LDLRAD3: variants seen among roughly 807,000 people sequenced by gnomAD.
The protein encoded by LDLRAD3 is low-density lipoprotein receptor class A domain-containing protein 3.
LDLRAD3 carries 20 observed loss-of-function variants against 29.4 expected under a neutral mutation model. The observed-to-expected ratio is 0.68, with a 90% CI of 0.48 to 0.99. LDLRAD3 has a LOEUF of 0.99. Among genes scored for constraint, LDLRAD3 ranks in the 50% least tolerant of loss-of-function variants. The probability of loss-of-function intolerance (pLI) is 0.00; values close to 1 mark genes in which losing one functional copy is unlikely to be tolerated. For synonymous variants in LDLRAD3, 157 were observed against 192.7 expected (o/e 0.81, Z 1.53); for missense variants, 420 against 454.3 (o/e 0.92, Z 0.69).
chr11:36,005,717 C>T (rs1454504636), intron 1 of LDLRAD3, among the ~76,000 whole-genome samples: 1 of 152,122 alleles, frequency 6.6e-6, no homozygotes, highest in African/African-American at 2.4e-5. Context: ...CTGCCTTAGA[C>T]TGGGTAATTT....
rs971001034 is a variant in LDLRAD3 at position 36,022,570 on chromosome 11, A to C, written c.47-13533A>C. Among the ~76,000 whole-genome samples, 17 of 152,308 alleles carry C rather than the reference A, an allele frequency of 1.1e-4. No homozygotes were observed. In the East Asian group the frequency reaches 3.3e-3, roughly 29 times the overall value. ...TACCCAGGGAGACTGTCAAGTTTGC[A>C]TCTGGTCAATCTCTGTTTTATATAT... is the stretch of plus-strand genomic sequence containing the variant. On this transcript the variant is annotated intron_variant, in intron 1 of 5. Transcript: ENST00000315571.
chr11:36,103,105 C>G (rs1048315779), intron 4 of LDLRAD3, among the ~76,000 whole-genome samples: 1 of 152,086 alleles, frequency 6.6e-6, no homozygotes, highest in Admixed American at 6.5e-5. Context: ...AAATCTGAAA[C>G]TCTATACCCA....
At chr11:36,047,384 G>A (rs1460269390) in intron 2 of LDLRAD3, among the ~76,000 whole-genome samples, 1 of 151,902 alleles carries the variant, frequency 6.6e-6, no homozygotes, top group South Asian at 2.1e-4. Flanking sequence ...TTTAAATTCC[G>A]AGACACACAT....
chr11:36,119,262 C>A (rs898347322), intron 4 of LDLRAD3, among the ~76,000 whole-genome samples: 3 of 152,146 alleles, frequency 2.0e-5, no homozygotes, highest in Non-Finnish European at 4.4e-5. Flanking sequence ...ATGAATAAGG[C>A]TGCCATGCAC....
chr11:36,188,569 A>C lies in LDLRAD3; in HGVS notation c.455-38516A>C, dbSNP rs534169920. Among the ~76,000 whole-genome samples, 224 of 152,202 alleles carry C rather than the reference A, an allele frequency of 1.5e-3. 1 individual carries two copies. The highest frequency in any genetic ancestry group is 1.4e-3 in the Non-Finnish European group (96 of 68,026). On this transcript the variant is annotated intron_variant, in intron 4 of 5. Coordinates refer to ENST00000315571, the MANE Select transcript of LDLRAD3 (RefSeq NM_174902.4). ...TGGAAACAGAAGAGATGGGCTAAAA[A>C]TGGGAAGATTAGTTGAAATTTCGTT...
intron 1 of LDLRAD3, among the ~76,000 whole-genome samples, chr11:35,966,309 C>T (rs984595451): frequency 1.3e-5 from 2 of 152,152 alleles, no homozygotes; most frequent in South Asian, 4.1e-4. Context: ...CCTGTAGTCC[C>T]AGCTCCTCGG....
intron 4 of LDLRAD3, among the ~76,000 whole-genome samples, chr11:36,123,951 G>A (rs565672557): frequency 2.6e-5 from 4 of 152,234 alleles, no homozygotes; most frequent in Admixed American, 1.3e-4. Flanking sequence ...CAGCGCATCC[G>A]AGTGAAGCCG....
chr11:36,163,410 A>T (rs891770373), intron 4 of LDLRAD3: 5 of 152,242 alleles, frequency 3.3e-5, no homozygotes, highest in Admixed American at 2.0e-4. Context: ...CCTGGTTTGA[A>T]TTAGCTTATG....
intron 2 of LDLRAD3, among the ~76,000 whole-genome samples, chr11:36,036,463 C>T (rs1852306311): frequency 6.6e-6 from 1 of 152,168 alleles, no homozygotes; most frequent in African/African-American, 2.4e-5. Flanking sequence ...GGAGCCAACG[C>T]TTTGAGAGAG....
At chr11:36,164,577 A>G (rs1854489176) in intron 4 of LDLRAD3, among the ~76,000 whole-genome samples, 1 of 152,258 alleles carries the variant, frequency 6.6e-6, no homozygotes, top group African/African-American at 2.4e-5. Flanking sequence ...GATATAATCC[A>G]TGTCTGTCCA....
chr11:36,213,923 G>C lies in LDLRAD3; in HGVS notation c.455-13162G>C, dbSNP rs12421199. Among the ~76,000 whole-genome samples, 9,881 of 152,210 alleles carry C rather than the reference G, an allele frequency of 0.065. 428 individuals carry two copies. Among genetic ancestry groups the C allele is most frequent in the East Asian group, 0.17 (879 of 5,176 alleles). ...GGTCAGACTCTTCGTCCAGGTAAAA[G>C]GAAACTACAGAAGCAAGCTCACAGT... is the stretch of plus-strand genomic sequence containing the variant. On this transcript the variant is annotated intron_variant, in intron 4 of 5. Coordinates refer to ENST00000315571, the MANE Select transcript of LDLRAD3 (RefSeq NM_174902.4). The surrounding 1 kb of genome is among the most constrained non-coding windows in gnomAD (Gnocchi z 4.1).
chr11:36,164,300 C>G (rs1854485444), intron 4 of LDLRAD3, among the ~76,000 whole-genome samples: 1 of 152,200 alleles, frequency 6.6e-6, no homozygotes, highest in Non-Finnish European at 1.5e-5. Context: ...TTAAAATACC[C>G]AAGTGTTGCT....
At chr11:36,065,703 C>T (rs1222766638) in intron 2 of LDLRAD3, among the ~76,000 whole-genome samples, 1 of 152,248 alleles carries the variant, frequency 6.6e-6, no homozygotes, top group Non-Finnish European at 1.5e-5. Context: ...TGTTGACACA[C>T]TCACCTCTGA....
At chr11:36,071,911 G>A (rs1247525989) in intron 2 of LDLRAD3, among the ~76,000 whole-genome samples, 4 of 152,328 alleles carry the variant, frequency 2.6e-5, no homozygotes, top group South Asian at 2.1e-4. Flanking sequence ...AGACCATGCT[G>A]TAAGAGCATG....
At chr11:36,224,299 G>A (rs1174352321) in intron 4 of LDLRAD3, among the ~76,000 whole-genome samples, 1 of 152,056 alleles carries the variant, frequency 6.6e-6, no homozygotes, top group Non-Finnish European at 1.5e-5. Flanking sequence ...AGGCTTCTAA[G>A]AGTTAAGTGA....
At chr11:35,991,017 A>AGT (rs2133167034) in intron 1 of LDLRAD3, among the ~76,000 whole-genome samples, 1 of 152,216 alleles carries the variant, frequency 6.6e-6, no homozygotes, top group Non-Finnish European at 1.5e-5. Flanking sequence ...GCTGTTGTAG[A>AGT]GTGTTTGGCA....
intron 1 of LDLRAD3, among the ~76,000 whole-genome samples, chr11:36,035,015 T>C (rs1428789446): frequency 1.3e-5 from 2 of 152,232 alleles, no homozygotes; most frequent in African/African-American, 4.8e-5. Flanking sequence ...TGTTCTTATT[T>C]TGCTGTGTGT....
At chr11:36,041,631 A>T (rs1852382815) in intron 2 of LDLRAD3, among the ~76,000 whole-genome samples, 1 of 152,212 alleles carries the variant, frequency 6.6e-6, no homozygotes, top group Admixed American at 6.5e-5. Flanking sequence ...TCTGTAATAA[A>T]GCAGCAGTCC....
intron 1 of LDLRAD3, among the ~76,000 whole-genome samples, chr11:35,989,416 A>G (rs1565145886): frequency 1.3e-5 from 2 of 152,156 alleles, no homozygotes; most frequent in Non-Finnish European, 2.9e-5. Context: ...GGGAAATGAC[A>G]TTGGTAGTTT....
Sources: allele counts gnomAD v4.1 joint callset (sites outside exome capture counted in the v4.1 genomes callset), GRCh38; gene constraint gnomAD v4.1.1; non-coding constraint Gnocchi (gnomAD v3.1); transcripts MANE v1.5; gene names NCBI Gene and HGNC (gene_info 2026-07-23, HGNC 2026-07-21).